Variants in RFX4 observed in about 807,000 individuals in gnomAD.
RFX4 encodes the protein regulatory factor X4.
RFX4 carries 10 observed loss-of-function variants against 95.0 expected under a neutral mutation model. The ratio of observed to expected loss-of-function variants is 0.11; its 90% CI spans 0.06 to 0.18. RFX4 has a LOEUF of 0.18. Ranked by LOEUF, RFX4 falls within the 10% of genes least tolerant of loss-of-function variation. The probability of loss-of-function intolerance (pLI) is 1.00; values close to 1 mark genes in which losing one functional copy is unlikely to be tolerated. For synonymous variants in RFX4, 321 were observed against 340.7 expected (o/e 0.94, Z 0.64); for missense variants, 640 against 922.0 (o/e 0.69, Z 3.96).
intron 8 of RFX4, among the ~76,000 whole-genome samples, chr12:106,706,193 G>T (rs2042082953): frequency 6.6e-6 from 1 of 152,390 alleles, no homozygotes; most frequent in East Asian, 1.9e-4. Context: ...ACCAGTTGGA[G>T]TTGGAGGCCA....
intron 1 of RFX4, among the ~76,000 whole-genome samples, chr12:106,587,809 T>C (rs2039483221): frequency 6.6e-6 from 1 of 152,176 alleles, no homozygotes; most frequent in African/African-American, 2.4e-5. Flanking sequence ...TGGGTTAGAA[T>C]AAGGTGGGAA....
chr12:106,669,707 G>GAAA (rs150682284), intron 4 of RFX4, among the ~76,000 whole-genome samples: 1 of 149,810 alleles, frequency 6.7e-6, no homozygotes, highest in Non-Finnish European at 1.5e-5. Flanking sequence ...GTTCTCAAAG[G>GAAA]AAAAAAAAAT....
At chr12:106,716,448 C>T (rs1042170379) in intron 11 of RFX4, among the ~76,000 whole-genome samples, 17 of 152,018 alleles carry the variant, frequency 1.1e-4, no homozygotes, top group African/African-American at 3.9e-4. Flanking sequence ...GCCTTCTGCA[C>T]TGCTGTCTTG....
rs189806163 is a variant in RFX4 at position 106,739,804 on chromosome 12, T to C, written c.1633+6719T>C. On this transcript the variant is annotated intron_variant, in intron 15 of 17. Coordinates refer to ENST00000392842, the MANE Select transcript of RFX4 (RefSeq NM_213594.3). ...CATTTTCTCCCCAAATTTGTAGGCT[T>C]GCTACGCTCCCTCATGACCTGGCAA... is the stretch of plus-strand genomic sequence containing the variant. Among the ~76,000 whole-genome samples the C allele has an allele frequency of 2.0e-3, 312 of 152,324 alleles. 1 individual carries two copies. The Middle Eastern group carries it at 0.031, about 15-fold the overall frequency.
chr12:106,650,767 A>G (rs1429437604), intron 3 of RFX4, among the ~76,000 whole-genome samples: 1 of 152,094 alleles, frequency 6.6e-6, no homozygotes, highest in Admixed American at 6.5e-5. Flanking sequence ...CCTATGAGAC[A>G]GGTGTTTTGT....
At chr12:106,605,311 A>G (rs1416062186) in intron 1 of RFX4, among the ~76,000 whole-genome samples, 2 of 152,232 alleles carry the variant, frequency 1.3e-5, no homozygotes, top group Non-Finnish European at 2.9e-5. Context: ...TTTAAAGTAT[A>G]TAACATTGAC....
chr12:106,737,868 A>C (rs978815507), intron 15 of RFX4, among the ~76,000 whole-genome samples: 2 of 152,180 alleles, frequency 1.3e-5, no homozygotes, highest in Non-Finnish European at 2.9e-5. Context: ...GATGCGCCTC[A>C]AACTGTATTT....
intron 8 of RFX4, among the ~76,000 whole-genome samples, chr12:106,704,965 G>T (rs2042056440): frequency 6.6e-6 from 1 of 152,140 alleles, no homozygotes; most frequent in South Asian, 2.1e-4. Context: ...ACTGGAGATG[G>T]GGAGCAGCAA....
chr12:106,682,204 G>C, intron 5 of RFX4, 150 bp downstream of exon 5: 1 of 733,496 alleles, frequency 1.4e-6, no homozygotes, highest in Non-Finnish European at 2.2e-6. Flanking sequence ...ATGACGGCCA[G>C]GGCCCCTCTC....
At chr12:106,670,700 G>C (rs1181282860) in intron 4 of RFX4, among the ~76,000 whole-genome samples, 1 of 152,106 alleles carries the variant, frequency 6.6e-6, no homozygotes, top group Non-Finnish European at 1.5e-5. Flanking sequence ...AAATTGTTGA[G>C]TAGGTAAGAG....
At chr12:106,638,208 A>G (rs2040553188) in intron 2 of RFX4, among the ~76,000 whole-genome samples, 2 of 152,068 alleles carry the variant, frequency 1.3e-5, no homozygotes, top group South Asian at 4.1e-4. Flanking sequence ...GGGTTTCACC[A>G]TGTTAGCCAG....
At chr12:106,703,667 T>G (rs1234096095) in intron 8 of RFX4, among the ~76,000 whole-genome samples, 2 of 152,234 alleles carry the variant, frequency 1.3e-5, no homozygotes, top group Non-Finnish European at 2.9e-5. Flanking sequence ...ACATGGCATT[T>G]GCTGTTTATT....
chr12:106,606,000 C>T (rs896153686), intron 1 of RFX4, among the ~76,000 whole-genome samples: 4 of 152,140 alleles, frequency 2.6e-5, no homozygotes, highest in Admixed American at 6.5e-5. Context: ...CAGGTGCTGC[C>T]GTGAGGAAAG....
chr12:106,686,411 CAA>C (rs761963281), intron 5 of RFX4, among the ~76,000 whole-genome samples: 20 of 63,322 alleles, frequency 3.2e-4, no homozygotes, highest in Admixed American at 7.1e-4. Flanking sequence ...GACTCTGTCT[CAA>C]AAAAAAAAAA....
intron 11 of RFX4, 27 bp from the exon 12 acceptor site, chr12:106,719,933 C>T (rs777240845): frequency 1.3e-4 from 204 of 1,549,390 alleles, no homozygotes; most frequent in South Asian, 2.7e-4. Context: ...TGCAGTGATG[C>T]GTGTGGGGTT....
intron 4 of RFX4, among the ~76,000 whole-genome samples, chr12:106,667,732 C>G (rs1380982970): frequency 6.6e-6 from 1 of 152,214 alleles, no homozygotes; most frequent in Non-Finnish European, 1.5e-5. Flanking sequence ...GTGTCCTCCC[C>G]TCTCTTAAGA....
At chr12:106,707,794 G>A (rs546628977) in intron 8 of RFX4, among the ~76,000 whole-genome samples, 31 of 152,222 alleles carry the variant, frequency 2.0e-4, no homozygotes, top group East Asian at 9.6e-4. Flanking sequence ...GTTTGTTGTT[G>A]TTGTTGTTGT....
chr12:106,639,269 A>G (rs10861641), intron 2 of RFX4, 63 bp from the exon 3 acceptor site: 163,964 of 1,362,568 alleles, frequency 0.12, 10,630 homozygotes, highest in South Asian at 0.15. Context: ...GAGAGTCGAG[A>G]GGACTTTTAC....
In RFX4 at chr12:106,654,267, C is replaced by T. The variant is rs1423077311; in HGVS notation, c.231C>T (p.Ile77=). The change falls in exon 4 of 18, where the codon ATC becomes ATT. Residue 77 remains isoleucine, a synonymous_variant. Transcript: ENST00000392842. Reference sequence around the variant, plus strand: ...ATGAGATTGCAGAGGGGGTCTGCATCCCTCGCAGTGCCCTCTATATGCATT... The same window carrying T: ...ATGAGATTGCAGAGGGGGTCTGCATTCCTCGCAGTGCCCTCTATATGCATT... ...ENYEIAEGVC[I]PRSALYMHYL... is the part of the protein sequence containing the mutation. 2 of 1,613,850 alleles carry T rather than the reference C, an allele frequency of 1.2e-6. No homozygotes were observed. Among genetic ancestry groups the T allele is most frequent in the African/African-American group, 1.3e-5 (1 of 74,900 alleles).
Sources: allele counts gnomAD v4.1 joint callset (sites outside exome capture counted in the v4.1 genomes callset), GRCh38; gene constraint gnomAD v4.1.1; transcripts MANE v1.5; gene names NCBI Gene and HGNC (gene_info 2026-07-23, HGNC 2026-07-21).